FRMD4A: variants seen among roughly 807,000 people sequenced by gnomAD.
FRMD4A encodes the protein FERM domain-containing protein 4A.
FRMD4A carries 29 observed loss-of-function variants against 129.1 expected under a neutral mutation model. The ratio of observed to expected loss-of-function variants is 0.22; its 90% CI spans 0.17 to 0.31. The LOEUF (loss-of-function observed/expected upper bound fraction) is 0.31. FRMD4A is among the 10% of genes least tolerant of loss of function. The probability of loss-of-function intolerance (pLI) is 1.00; values close to 1 mark genes in which losing one functional copy is unlikely to be tolerated. For missense variants in FRMD4A, 1,272 were observed against 1,375.8 expected, an observed-to-expected ratio of 0.92 and a Z score of 1.19; for synonymous variants, 634 against 571.6, an observed-to-expected ratio of 1.11 and a Z score of -1.56.
intron 2 of FRMD4A, among the ~76,000 whole-genome samples, chr10:13,973,409 C>T (rs1267187448): frequency 1.3e-5 from 2 of 152,116 alleles, no homozygotes; most frequent in Non-Finnish European, 2.9e-5. Flanking sequence ...TGATCTCAAG[C>T]TCCTGGCCTC....
chr10:13,691,465 C>T (rs928032074), intron 15 of FRMD4A, among the ~76,000 whole-genome samples: 3 of 152,130 alleles, frequency 2.0e-5, no homozygotes, highest in Non-Finnish European at 2.9e-5. Flanking sequence ...AAACTGGGCA[C>T]ACCTGGGTTC....
chr10:13,691,645 G>A (rs11258527), intron 15 of FRMD4A, among the ~76,000 whole-genome samples: 10,422 of 152,228 alleles, frequency 0.068, 530 homozygotes, highest in Non-Finnish European at 0.11. Context: ...TCTGAGAGGG[G>A]TTTTGACAAG....
At chr10:13,912,414 T>C (rs756863487) in intron 2 of FRMD4A, among the ~76,000 whole-genome samples, 4 of 151,862 alleles carry the variant, frequency 2.6e-5, no homozygotes, top group Non-Finnish European at 5.9e-5. Context: ...AACTTGCACA[T>C]GAATGTTCAT....
At chr10:14,288,410 G>A (rs973897420) in intron 2 of FRMD4A, among the ~76,000 whole-genome samples, 7 of 152,194 alleles carry the variant, frequency 4.6e-5, no homozygotes, top group Middle Eastern at 3.4e-3. Context: ...GGAACTATGT[G>A]CAACTGTACA....
At chr10:13,717,789 G>C (rs1428252109) in intron 12 of FRMD4A, among the ~76,000 whole-genome samples, 1 of 148,426 alleles carries the variant, frequency 6.7e-6, no homozygotes, top group African/African-American at 2.5e-5. Context: ...TGGCATCATA[G>C]AGACATCCCG....
At chr10:14,030,205 T>C (rs1833173093) in intron 2 of FRMD4A, among the ~76,000 whole-genome samples, 1 of 152,226 alleles carries the variant, frequency 6.6e-6, no homozygotes, top group Non-Finnish European at 1.5e-5. Context: ...GAGTTAACAA[T>C]GCTGTACTGT....
chr10:13,684,664 C>T (rs1247511128), intron 15 of FRMD4A: 28 of 985,096 alleles, frequency 2.8e-5, no homozygotes, highest in Middle Eastern at 5.2e-4. Flanking sequence ...GCCAGGAGGA[C>T]GTTGTCAGGA....
intron 2 of FRMD4A, among the ~76,000 whole-genome samples, chr10:14,288,990 T>A (rs927736103): frequency 2.0e-5 from 3 of 152,230 alleles, no homozygotes; most frequent in Non-Finnish European, 2.9e-5. Flanking sequence ...CATTCCAGTA[T>A]ATGTATATAC....
chr10:14,055,455 ACACACAAACACACACAC>A (rs1834470877), intron 2 of FRMD4A, among the ~76,000 whole-genome samples: 3 of 14,216 alleles, frequency 2.1e-4, no homozygotes, highest in Non-Finnish European at 3.8e-4. Context: ...ACACACACAC[ACACACAAACACACACAC>A]ACACACACAC....
chr10:13,825,238 T>C (rs1243397900), intron 3 of FRMD4A, among the ~76,000 whole-genome samples: 2 of 152,184 alleles, frequency 1.3e-5, no homozygotes, highest in Non-Finnish European at 2.9e-5. Context: ...TCAAGTAAGG[T>C]TGACTTGAAC....
chr10:14,006,316 T>C (rs1020214880), intron 2 of FRMD4A, among the ~76,000 whole-genome samples: 20 of 151,966 alleles, frequency 1.3e-4, no homozygotes, highest in African/African-American at 4.8e-4. Flanking sequence ...CATGTAACGG[T>C]GGGGTGTGCT....
intron 3 of FRMD4A, among the ~76,000 whole-genome samples, chr10:13,844,047 A>C (rs1453973221): frequency 6.6e-6 from 1 of 152,236 alleles, no homozygotes; most frequent in Non-Finnish European, 1.5e-5. Flanking sequence ...AGAGTTTAGA[A>C]ATCTTTCTAA....
chr10:13,790,771 G>T (rs536640982), intron 5 of FRMD4A, among the ~76,000 whole-genome samples: 1 of 152,216 alleles, frequency 6.6e-6, no homozygotes, highest in Admixed American at 6.5e-5. Flanking sequence ...GGGGGTGACA[G>T]CAAGTGCAGA....
chr10:13,666,911 C>CTTTTTTT (rs10546068), intron 17 of FRMD4A, among the ~76,000 whole-genome samples: 2 of 114,384 alleles, frequency 1.7e-5, no homozygotes, highest in Non-Finnish European at 3.4e-5. Context: ...CTTTTCTTTT[C>CTTTTTTT]TTTTTTTTTT....
intron 2 of FRMD4A, among the ~76,000 whole-genome samples, chr10:14,038,241 T>C (rs1421603458): frequency 6.6e-6 from 1 of 152,148 alleles, no homozygotes; most frequent in African/African-American, 2.4e-5. Flanking sequence ...GAGAATGGCA[T>C]GAACCCGGGC....
At chr10:13,828,001 A>G (rs1027222417) in intron 3 of FRMD4A, among the ~76,000 whole-genome samples, 10 of 152,154 alleles carry the variant, frequency 6.6e-5, no homozygotes, top group African/African-American at 2.2e-4. Context: ...CTGCAGAGAG[A>G]GCTGCCTTGC....
chr10:13,985,019 C>A (rs1325545969), intron 2 of FRMD4A, among the ~76,000 whole-genome samples: 1 of 152,260 alleles, frequency 6.6e-6, no homozygotes, highest in African/African-American at 2.4e-5. Context: ...GGCAGGGACG[C>A]TGCCCACAGA....
intron 19 of FRMD4A, among the ~76,000 whole-genome samples, chr10:13,661,263 C>T (rs1173546110): frequency 1.3e-5 from 2 of 152,176 alleles, no homozygotes; most frequent in African/African-American, 2.4e-5. Context: ...CGTCAGTGCG[C>T]TAGAGGACTT....
chr10:14,150,204 TG>T (rs992857598), intron 2 of FRMD4A, among the ~76,000 whole-genome samples: 1 of 152,100 alleles, frequency 6.6e-6, no homozygotes, highest in African/African-American at 2.4e-5. Context: ...GAGATTTGGG[TG>T]GGGACACAGA....
Sources: allele counts gnomAD v4.1 joint callset (sites outside exome capture counted in the v4.1 genomes callset), GRCh38; gene constraint gnomAD v4.1.1; transcripts MANE v1.5; gene names NCBI Gene and HGNC (gene_info 2026-07-23, HGNC 2026-07-21).